RBFOX3: variants seen among roughly 807,000 people sequenced by gnomAD.
RBFOX3 encodes the protein RNA binding fox-1 homolog 3, also known as RNA binding protein fox-1 homolog 3.
RBFOX3 carries 17 observed loss-of-function variants against 48.7 expected under a neutral mutation model. The observed-to-expected ratio is 0.35, with a 90% confidence interval of 0.24 to 0.52. The LOEUF (loss-of-function observed/expected upper bound fraction) is 0.52, where lower values mean the gene tolerates loss of function less well. Ranked by LOEUF, RBFOX3 falls within the 20% of genes least tolerant of loss-of-function variation. The pLI is 0.94. For missense variants in RBFOX3, 382 were observed against 497.5 expected (o/e 0.77, Z 2.21); for synonymous variants, 212 against 209.5 (o/e 1.01, Z -0.10).
intron 1 of RBFOX3, among the ~76,000 whole-genome samples, chr17:79,483,450 CCCTCCCTCCCTG>C (rs2079060487): frequency 7.6e-6 from 1 of 132,190 alleles, no homozygotes; most frequent in Non-Finnish European, 1.6e-5. Context: ...CTCCCTCCCT[CCCTCCCTCCCTG>C]CCTGCCTGCC....
chr17:79,399,385 C>T (rs559498504), intron 2 of RBFOX3, among the ~76,000 whole-genome samples: 29 of 152,282 alleles, frequency 1.9e-4, no homozygotes, highest in Non-Finnish European at 3.2e-4. Flanking sequence ...CTTCCGTGCA[C>T]GGCTCGCGCT....
At chr17:79,093,791 C>CCA (rs60453390) in intron 14 of RBFOX3, among the ~76,000 whole-genome samples, 35,720 of 143,648 alleles carry the variant, frequency 0.25, 4,410 homozygotes, top group Admixed American at 0.35. Flanking sequence ...CAACAGCTGG[C>CCA]CACACACACA....
At chr17:79,182,766 C>T (rs1413996141) in intron 4 of RBFOX3, among the ~76,000 whole-genome samples, 12 of 151,836 alleles carry the variant, frequency 7.9e-5, no homozygotes, top group African/African-American at 2.9e-4. Context: ...GGTGGCCCAC[C>T]TCCCCCGCCT....
chr17:79,156,204 G>A (rs956313079), intron 4 of RBFOX3, among the ~76,000 whole-genome samples: 3 of 152,300 alleles, frequency 2.0e-5, no homozygotes, highest in South Asian at 2.1e-4. Flanking sequence ...GAGAGATCTG[G>A]CATCCAAGAG....
chr17:79,102,311 G>A (rs1469702294), intron 8 of RBFOX3, among the ~76,000 whole-genome samples: 1 of 152,200 alleles, frequency 6.6e-6, no homozygotes, highest in Non-Finnish European at 1.5e-5. Context: ...CCCAGGAAGG[G>A]GTCTGGGCTG....
chr17:79,120,951 T>G (rs955028396), intron 4 of RBFOX3, among the ~76,000 whole-genome samples: 2 of 151,972 alleles, frequency 1.3e-5, no homozygotes, highest in African/African-American at 4.8e-5. Context: ...AATGATTCAT[T>G]CAGAATCCAT....
At chr17:79,150,053 A>AGGGGGGGTGAGGG (rs2044055061) in intron 4 of RBFOX3, among the ~76,000 whole-genome samples, 1 of 1,018 alleles carries the variant, frequency 9.8e-4, no homozygotes, top group Non-Finnish European at 2.2e-3. Context: ...GGGGATGGGG[A>AGGGGGGGTGAGGG]TGGGGGTTGA....
chr17:79,507,774 G>C (rs1555779339), intron 1 of RBFOX3, among the ~76,000 whole-genome samples: 1 of 152,178 alleles, frequency 6.6e-6, no homozygotes, highest in South Asian at 2.1e-4. Flanking sequence ...CAAAGGGAGA[G>C]TCTCCTCTCT....
chr17:79,179,895 G>T (rs987843785), intron 4 of RBFOX3, among the ~76,000 whole-genome samples: 1 of 152,202 alleles, frequency 6.6e-6, no homozygotes, highest in African/African-American at 2.4e-5. Context: ...CAGATGTTGG[G>T]GGACCACGGC....
At chr17:79,508,747 A>ACACACCCCG (rs1369394484) in intron 1 of RBFOX3, 4 of 151,706 alleles carry the variant, frequency 2.6e-5, no homozygotes, top group African/African-American at 9.7e-5. Flanking sequence ...CGCACACCCC[A>ACACACCCCG]CACACCCCGC....
At chr17:79,463,486 C>T (rs1331623956) in intron 2 of RBFOX3, among the ~76,000 whole-genome samples, 9 of 70,842 alleles carry the variant, frequency 1.3e-4, no homozygotes, top group East Asian at 3.4e-4. Context: ...CCACTGCCAT[C>T]GCCACTGCCA....
chr17:79,595,539 C>T (rs2093546518), intron 1 of RBFOX3, among the ~76,000 whole-genome samples: 1 of 152,218 alleles, frequency 6.6e-6, no homozygotes. Context: ...CTGCCTAAAA[C>T]CCACCGTGTG....
Position 79,603,354 on chromosome 17 carries a change from T to A in RBFOX3, c.-320+7472A>T, listed in dbSNP as rs973363180. ...GCATGGGGAGAGCACACCGGGCCCA[T>A]TGAGGGGACACAGCACAGGCAGGAG... On this transcript the variant is annotated intron_variant, in intron 1 of 14. Coordinates refer to ENST00000693108, the MANE Select transcript of RBFOX3 (RefSeq NM_001350451.2). Among the ~76,000 whole-genome samples, 231 of 152,274 alleles carry A rather than the reference T, an allele frequency of 1.5e-3. 2 individuals are homozygous for A. In the East Asian group the frequency reaches 0.028, roughly 19 times the overall value.
chr17:79,628,273 G>A, the RBFOX3 span, among the ~76,000 whole-genome samples: 1 of 152,092 alleles, frequency 6.6e-6, no homozygotes, highest in African/African-American at 2.4e-5. Flanking sequence ...GACAGACCTA[G>A]GGATGACCAA....
At chr17:79,120,336 G>A (rs1449764271) in intron 4 of RBFOX3, among the ~76,000 whole-genome samples, 1 of 152,120 alleles carries the variant, frequency 6.6e-6, no homozygotes, top group African/African-American at 2.4e-5. Context: ...ATGGATGGGA[G>A]GGGTACATGG....
At chr17:79,200,162 C>A (rs1477126042) in intron 4 of RBFOX3, among the ~76,000 whole-genome samples, 211 of 110,790 alleles carry the variant, frequency 1.9e-3, no homozygotes, top group African/African-American at 3.7e-3. Context: ...GACTCCGTCT[C>A]AAAAAAAAAA....
chr17:79,589,069 G>T (rs1437875730), intron 1 of RBFOX3, among the ~76,000 whole-genome samples: 1 of 152,240 alleles, frequency 6.6e-6, no homozygotes, highest in East Asian at 1.9e-4. Context: ...ACCCCGTCCT[G>T]AGCTTGGACA....
chr17:79,390,320 C>T lies in RBFOX3; in HGVS notation c.-174-82496G>A, dbSNP rs2148172459. ...TCCCGGGGGGACTTCTTAGACTCCA[C>T]TCTGAGTTTGGCTTTGCCACGCTGT... On this transcript the variant is annotated intron_variant, in intron 2 of 14. Coordinates refer to ENST00000693108, the MANE Select transcript of RBFOX3 (RefSeq NM_001350451.2). This position sits in a 1 kb window ranked among gnomAD's most constrained non-coding sequence, Gnocchi z 4.2. 6.6e-6 allele frequency among the ~76,000 whole-genome samples: 1 copy of T among 152,358 alleles called. No individual in the cohort carries two copies. Among genetic ancestry groups the T allele is most frequent in the South Asian group, 2.1e-4 (1 of 4,826 alleles).
intron 2 of RBFOX3, among the ~76,000 whole-genome samples, chr17:79,462,481 T>A (rs782413665): frequency 3.3e-5 from 5 of 152,166 alleles, no homozygotes; most frequent in Non-Finnish European, 7.4e-5. Flanking sequence ...AGAAATGAAG[T>A]CACTCAAGAA....
Sources: gnomAD v4.1 joint callset for allele counts (sites outside exome capture counted in the v4.1 genomes callset) on GRCh38, gnomAD v4.1.1 for gene constraint, Gnocchi (gnomAD v3.1) non-coding constraint, MANE v1.5 for transcripts, NCBI Gene and HGNC (gene_info 2026-07-23, HGNC 2026-07-21) for gene names.